PLCL1: variants seen among roughly 807,000 people sequenced by gnomAD.
The protein encoded by PLCL1 is phospholipase C like 1 (inactive).
In PLCL1, 41 loss-of-function variants were observed where a neutral mutation model predicts 84.4. The ratio of observed to expected loss-of-function variants is 0.49; its 90% CI spans 0.38 to 0.63. The LOEUF (loss-of-function observed/expected upper bound fraction) is 0.63, where lower values mean the gene tolerates loss of function less well. PLCL1 is among the 30% of genes least tolerant of loss of function. PLCL1 has a pLI of 0.00. For missense variants in PLCL1, 1,206 were observed against 1,367.8 expected (o/e 0.88, Z 1.87); for synonymous variants, 490 against 488.3 (o/e 1.00, Z -0.05).
At chr2:198,074,592 T>C (rs1191879801) in intron 1 of PLCL1, among the ~76,000 whole-genome samples, 1 of 152,104 alleles carries the variant, frequency 6.6e-6, no homozygotes, top group Non-Finnish European at 1.5e-5. Context: ...TGAGCCGAGA[T>C]CGAGCCACTG....
intron 1 of PLCL1, among the ~76,000 whole-genome samples, chr2:198,023,705 T>C (rs1452907173): frequency 1.3e-5 from 2 of 152,184 alleles, no homozygotes; most frequent in African/African-American, 4.8e-5. Flanking sequence ...AGATACCATC[T>C]CATGCCAGTT....
intron 1 of PLCL1, among the ~76,000 whole-genome samples, chr2:197,892,344 ACTGT>A (rs1206481407): frequency 6.6e-6 from 1 of 152,134 alleles, no homozygotes; most frequent in South Asian, 2.1e-4. Flanking sequence ...ATCCTAACTG[ACTGT>A]CTGATTCCTA....
At chr2:198,114,810 T>TGTGTGTGC (rs1305977877) in intron 5 of PLCL1, among the ~76,000 whole-genome samples, 2 of 151,444 alleles carry the variant, frequency 1.3e-5, no homozygotes, top group Non-Finnish European at 3.0e-5. Context: ...TGTGTGTGTG[T>TGTGTGTGC]GCATATATAT....
At chr2:197,962,667 G>A (rs761181481) in intron 1 of PLCL1, among the ~76,000 whole-genome samples, 4 of 151,876 alleles carry the variant, frequency 2.6e-5, no homozygotes, top group Non-Finnish European at 4.4e-5. Flanking sequence ...ACTCTTTTGT[G>A]CTATCAAATA....
chr2:197,902,528 A>G (rs1688288059), intron 1 of PLCL1, among the ~76,000 whole-genome samples: 1 of 152,176 alleles, frequency 6.6e-6, no homozygotes, highest in Non-Finnish European at 1.5e-5. Context: ...AAGTTTGAGG[A>G]GAAAATATTT....
intron 3 of PLCL1, among the ~76,000 whole-genome samples, chr2:198,095,643 A>G (rs1030634571): frequency 3.3e-5 from 5 of 152,142 alleles, no homozygotes; most frequent in Non-Finnish European, 7.3e-5. Context: ...GGAGTCTACT[A>G]TTGGGGATGT....
intron 1 of PLCL1, among the ~76,000 whole-genome samples, chr2:198,012,238 G>GGGGCAATGGGGATTGCT (rs1450562476): frequency 2.6e-5 from 4 of 152,114 alleles, no homozygotes; most frequent in Non-Finnish European, 5.9e-5. Context: ...TGTATACCCA[G>GGGGCAATGGGGATTGCT]GGGCAATGGG....
intron 5 of PLCL1, among the ~76,000 whole-genome samples, chr2:198,119,220 G>T (rs1693816288): frequency 7.5e-6 from 1 of 132,662 alleles, no homozygotes; most frequent in Non-Finnish European, 1.7e-5. Flanking sequence ...TCCTTCTTGT[G>T]TAAGAAAATT....
chr2:197,920,280 T>C (rs1332978373), intron 1 of PLCL1, among the ~76,000 whole-genome samples: 1 of 151,892 alleles, frequency 6.6e-6, no homozygotes. Flanking sequence ...AAGACTTGTG[T>C]GTATCATCTT....
At chr2:197,887,412 A>G (rs1381004559) in intron 1 of PLCL1, among the ~76,000 whole-genome samples, 1 of 152,196 alleles carries the variant, frequency 6.6e-6, no homozygotes, top group Non-Finnish European at 1.5e-5. Context: ...TAAATAAAAT[A>G]AATAACAAAT....
intron 3 of PLCL1, among the ~76,000 whole-genome samples, chr2:198,092,944 GT>G (rs1354549676): frequency 3.3e-5 from 5 of 152,134 alleles, no homozygotes; most frequent in Non-Finnish European, 5.9e-5. Context: ...TCTATTGTTG[GT>G]GAAAATCGTG....
chr2:198,076,918 A>G (rs1004531889), intron 1 of PLCL1, among the ~76,000 whole-genome samples: 1 of 152,204 alleles, frequency 6.6e-6, no homozygotes, highest in African/African-American at 2.4e-5. Flanking sequence ...TTTCTCCAGA[A>G]CACTTAACTG....
At chr2:198,112,725 A>G (rs1315968299) in intron 5 of PLCL1, among the ~76,000 whole-genome samples, 1 of 151,912 alleles carries the variant, frequency 6.6e-6, no homozygotes, top group Admixed American at 6.6e-5. Context: ...GCAAACAGTT[A>G]CGGTTAACAG....
At position 198,085,835 on chromosome 2, in the gene PLCL1, G is replaced by C; in HGVS notation, c.2318G>C (p.Ser773Thr). 1 of 1,614,152 alleles carries C rather than the reference G, an allele frequency of 6.2e-7. No homozygotes were observed. The highest frequency in any genetic ancestry group is 8.5e-7 in the Non-Finnish European group (1 of 1,179,994). Residue 773 changes from serine to threonine, a missense_variant, in exon 2 of 6, where the codon AGT becomes ACT. Physicochemically the swap from Ser to Thr is moderately conservative, Grantham distance 58. Transcript: ENST00000428675. The surrounding 1 kb of genome is among the most constrained non-coding windows in gnomAD (Gnocchi z 5.3). ...AGAACTAAAACTGTACAGCAAAACA[G>C]TGATAATCCTATTTTTGATGAAACT... ...EQRTKTVQQN[S>T]DNPIFDETFE...
chr2:197,929,832 A>G (rs1209264840), intron 1 of PLCL1, among the ~76,000 whole-genome samples: 1 of 152,182 alleles, frequency 6.6e-6, no homozygotes, highest in African/African-American at 2.4e-5. Flanking sequence ...CTCATCCTTT[A>G]TCTACTCTAT....
chr2:198,080,101 T>C (rs1396952772), intron 1 of PLCL1, among the ~76,000 whole-genome samples: 4 of 152,222 alleles, frequency 2.6e-5, no homozygotes, highest in Admixed American at 1.3e-4. Context: ...AAAGATGTTA[T>C]GGTCATTGGA....
At chr2:198,076,413 A>G (rs758399654) in intron 1 of PLCL1, among the ~76,000 whole-genome samples, 2 of 152,216 alleles carry the variant, frequency 1.3e-5, no homozygotes, top group Non-Finnish European at 2.9e-5. Context: ...TTAATGGTAA[A>G]TTCAGACATA....
At chr2:198,100,660 A>G (rs763884788) in intron 3 of PLCL1, among the ~76,000 whole-genome samples, 6 of 152,104 alleles carry the variant, frequency 3.9e-5, no homozygotes, top group Non-Finnish European at 7.4e-5. Context: ...GTAGTTTTGG[A>G]TGATGATTCT....
At chr2:198,008,079 C>G (rs1690773689) in intron 1 of PLCL1, among the ~76,000 whole-genome samples, 1 of 152,056 alleles carries the variant, frequency 6.6e-6, no homozygotes, top group Admixed American at 6.6e-5. Context: ...TAGTGATCAC[C>G]TCAAGTCTTA....
Sources: allele counts gnomAD v4.1 joint callset (sites outside exome capture counted in the v4.1 genomes callset), GRCh38; gene constraint gnomAD v4.1.1; non-coding constraint Gnocchi (gnomAD v3.1); transcripts MANE v1.5; gene names NCBI Gene and HGNC (gene_info 2026-07-23, HGNC 2026-07-21).